CYP7B1: variants seen among roughly 807,000 people sequenced by gnomAD.
CYP7B1 encodes cytochrome P450 family 7 subfamily B member 1.
A neutral mutation model predicts 42.7 loss-of-function variants in CYP7B1; 29 were observed. That is an observed-to-expected ratio of 0.68 (90% CI 0.51 to 0.93). The LOEUF (loss-of-function observed/expected upper bound fraction) is 0.93, where lower values mean the gene tolerates loss of function less well. Among genes scored for constraint, CYP7B1 ranks in the 40% least tolerant of loss-of-function variants. The pLI is 0.00. For missense variants in CYP7B1, 655 were observed against 600.5 expected (o/e 1.09, Z -0.95); for synonymous variants, 235 against 218.2 (o/e 1.08, Z -0.68).
At chr8:64,663,053 T>C (rs1806222247) in intron 1 of CYP7B1, among the ~76,000 whole-genome samples, 1 of 152,238 alleles carries the variant, frequency 6.6e-6, no homozygotes, top group Non-Finnish European at 1.5e-5. Flanking sequence ...CCTTTATTTC[T>C]TGTTTACTTA....
chr8:64,671,150 T>C (rs1224671621), intron 1 of CYP7B1, among the ~76,000 whole-genome samples: 4 of 151,738 alleles, frequency 2.6e-5, no homozygotes, highest in African/African-American at 7.3e-5. Context: ...TACAGAATAA[T>C]AACTATATTC....
At chr8:64,673,427 G>T (rs1319254480) in intron 1 of CYP7B1, among the ~76,000 whole-genome samples, 1 of 152,040 alleles carries the variant, frequency 6.6e-6, no homozygotes, top group Non-Finnish European at 1.5e-5. Flanking sequence ...ATAGGTTTCA[G>T]CCTGTAGCTT....
At chr8:64,641,594 G>C (rs1318294703) in intron 1 of CYP7B1, among the ~76,000 whole-genome samples, 1 of 152,144 alleles carries the variant, frequency 6.6e-6, no homozygotes, top group East Asian at 1.9e-4. Flanking sequence ...CAAGGAATAT[G>C]ATAACTTGAT....
intron 1 of CYP7B1, among the ~76,000 whole-genome samples, chr8:64,749,859 C>T (rs1423992815): frequency 6.6e-6 from 1 of 152,126 alleles, no homozygotes; most frequent in Non-Finnish European, 1.5e-5. Context: ...AGCTCAATAT[C>T]TCTAGGGGAA....
At chr8:64,643,120 C>CACAT (rs112147162) in intron 1 of CYP7B1, among the ~76,000 whole-genome samples, 2,191 of 31,708 alleles carry the variant, frequency 0.069, 29 homozygotes, top group Non-Finnish European at 0.11. Flanking sequence ...CATATATATA[C>CACAT]ATATATACAT....
intron 1 of CYP7B1, among the ~76,000 whole-genome samples, chr8:64,719,297 C>T (rs1807203425): frequency 6.6e-6 from 1 of 152,212 alleles, no homozygotes; most frequent in Admixed American, 6.5e-5. Flanking sequence ...AAGATCCCCA[C>T]AAAGCAAAAC....
At chr8:64,645,745 T>TC (rs1305462901) in intron 1 of CYP7B1, among the ~76,000 whole-genome samples, 2 of 151,964 alleles carry the variant, frequency 1.3e-5, no homozygotes, top group African/African-American at 4.8e-5. Flanking sequence ...GCCAAGCCAA[T>TC]CCTAAGCCAA....
chr8:64,788,649 T>C (rs2129713757), intron 1 of CYP7B1, among the ~76,000 whole-genome samples: 1 of 152,312 alleles, frequency 6.6e-6, no homozygotes, highest in South Asian at 2.1e-4. Context: ...ATTGGGTAAA[T>C]AATAATCTTA....
rs577973220 is a variant in CYP7B1 at position 64,719,779 on chromosome 8, T to C, written c.122+78687A>G. ...AGCCCACGCATAAAATGAAAACTCA[T>C]TAAAATAAACTTTCTCAAAGGGTAG... On this transcript the variant is annotated intron_variant, in intron 1 of 5. Coordinates refer to ENST00000310193, the MANE Select transcript of CYP7B1 (RefSeq NM_004820.5). Among the ~76,000 whole-genome samples the C allele has an allele frequency of 9.3e-4, 141 of 152,306 alleles. 1 individual carries two copies. The highest frequency in any genetic ancestry group is 6.6e-3 in the South Asian group (32 of 4,820).
At chr8:64,597,968 G>A (rs1805143536) in intron 5 of CYP7B1, among the ~76,000 whole-genome samples, 1 of 152,168 alleles carries the variant, frequency 6.6e-6, no homozygotes, top group Admixed American at 6.5e-5. Context: ...GCAATATGTG[G>A]ATAGATTCTG....
intron 1 of CYP7B1, 117 bp downstream of exon 1, chr8:64,798,349 A>T (rs955719932): frequency 5.9e-6 from 8 of 1,352,704 alleles, no homozygotes; most frequent in Non-Finnish European, 7.6e-6. Flanking sequence ...AGTACCCCGC[A>T]GCAAGTTCTG....
chr8:64,797,446 CA>C lies in CYP7B1; in HGVS notation c.122+1019del, dbSNP rs1804721243. Among the ~76,000 whole-genome samples the C allele has an allele frequency of 1.3e-5, 2 of 152,096 alleles. 1 individual carries two copies. The highest frequency in any genetic ancestry group is 2.9e-5 in the Non-Finnish European group (2 of 68,014). ...TGAGTCCTCATCTTGGGCTCTAAAG[CA>C]AAAGTACAGCCATTGGAAAAGGCAA... On this transcript the variant is annotated intron_variant, in intron 1 of 5. Coordinates refer to ENST00000310193, the MANE Select transcript of CYP7B1 (RefSeq NM_004820.5).
At chr8:64,618,512 T>G (rs1434190827) in intron 2 of CYP7B1, among the ~76,000 whole-genome samples, 4 of 152,124 alleles carry the variant, frequency 2.6e-5, no homozygotes, top group Non-Finnish European at 5.9e-5. Flanking sequence ...AAGTAGAGGC[T>G]GTACACATGT....
chr8:64,764,642 A>G (rs1384729124), intron 1 of CYP7B1, among the ~76,000 whole-genome samples: 2 of 152,208 alleles, frequency 1.3e-5, no homozygotes, highest in Non-Finnish European at 2.9e-5. Flanking sequence ...TTCTTAACCC[A>G]GTAACCCACA....
chr8:64,638,698 T>C (rs1420604696), intron 1 of CYP7B1, among the ~76,000 whole-genome samples: 3 of 152,152 alleles, frequency 2.0e-5, no homozygotes, highest in African/African-American at 7.2e-5. Context: ...ATTTTATTAT[T>C]TCACTGTGTT....
intron 1 of CYP7B1, among the ~76,000 whole-genome samples, chr8:64,663,958 A>G (rs1806238386): frequency 6.6e-6 from 1 of 152,192 alleles, no homozygotes; most frequent in South Asian, 2.1e-4. Flanking sequence ...GTAGACGAAA[A>G]AAATGGAGTC....
At chr8:64,618,109 A>T (rs1022080568) in intron 2 of CYP7B1, among the ~76,000 whole-genome samples, 14 of 150,794 alleles carry the variant, frequency 9.3e-5, no homozygotes, top group African/African-American at 3.4e-4. Flanking sequence ...AAAGGATTCA[A>T]CCCAATTTAG....
intron 1 of CYP7B1, among the ~76,000 whole-genome samples, chr8:64,736,857 T>C (rs1046947521): frequency 6.6e-6 from 1 of 152,204 alleles, no homozygotes; most frequent in African/African-American, 2.4e-5. Flanking sequence ...TAATTCTGTC[T>C]ACTGTCTATA....
intron 1 of CYP7B1, among the ~76,000 whole-genome samples, chr8:64,695,603 CTTTTTTTTTTTTTTT>C (rs35575527): frequency 3.0e-5 from 3 of 100,176 alleles, no homozygotes; most frequent in Non-Finnish European, 5.8e-5. Context: ...TATCAAATTC[CTTTTTTTTTTTTTTT>C]TTTTTTTTTT....
Sources: gnomAD v4.1 joint callset for allele counts (sites outside exome capture counted in the v4.1 genomes callset) on GRCh38, gnomAD v4.1.1 for gene constraint, MANE v1.5 for transcripts, NCBI Gene and HGNC (gene_info 2026-07-23, HGNC 2026-07-21) for gene names.